Variants in ARHGAP24 observed in about 807,000 individuals in gnomAD.
The protein encoded by ARHGAP24 is Rho GTPase activating protein 24.
In ARHGAP24, 50 loss-of-function variants were observed where a neutral mutation model predicts 76.4. The observed-to-expected ratio is 0.65, with a 90% CI of 0.52 to 0.83. The LOEUF is 0.83. Among genes scored for constraint, ARHGAP24 ranks in the 40% least tolerant of loss-of-function variants. ARHGAP24 has a pLI of 0.00. For missense variants in ARHGAP24, 930 were observed against 914.2 expected, an observed-to-expected ratio of 1.02 and a Z score of -0.22; for synonymous variants, 345 against 323.3, an observed-to-expected ratio of 1.07 and a Z score of -0.72.
At chr4:85,481,466 G>T (rs1243323146) in intron 1 of ARHGAP24, among the ~76,000 whole-genome samples, 1 of 152,120 alleles carries the variant, frequency 6.6e-6, no homozygotes, top group Non-Finnish European at 1.5e-5. Context: ...TCTCTTGCAG[G>T]TCTTCTAGAT....
intron 1 of ARHGAP24, among the ~76,000 whole-genome samples, chr4:85,555,226 G>A (rs1726309312): frequency 6.6e-6 from 1 of 152,152 alleles, no homozygotes; most frequent in African/African-American, 2.4e-5. Flanking sequence ...GAGTTCTTGT[G>A]CTGGTTCTTT....
At position 85,921,546 on chromosome 4, in the gene ARHGAP24, T is replaced by TAAA. The variant is rs57403057; in HGVS notation, c.269-2095_269-2093dup. ...CCTGAACTTAAAATAAAAGTTTTTT[T>TAAA]AAAAAAAAAGATCACTGAGTTTCCA... is the stretch of plus-strand genomic sequence containing the variant. On this transcript the variant is annotated intron_variant, in intron 3 of 9. Coordinates refer to ENST00000395184, the MANE Select transcript of ARHGAP24 (RefSeq NM_001025616.3). Among the ~76,000 whole-genome samples the TAAA allele has an allele frequency of 2.6e-4, 40 of 151,422 alleles. No individual in the cohort carries two copies. The South Asian group carries it at 6.3e-3, about 24-fold the overall frequency.
Position 86,000,461 on chromosome 4 carries a change from C to CT in ARHGAP24, c.2004-18_2004-17insT, listed in dbSNP as rs1740947536. 2.3e-6 allele frequency: 2 copies of CT among 861,076 alleles called. No individual in the cohort carries two copies. The highest frequency in any genetic ancestry group is 1.3e-5 in the South Asian group (1 of 74,734). The allele number at this position is 861,076 out of a possible 1,614,324, so 53.3% of individuals were successfully genotyped here. A position where few individuals can be genotyped will look rare whatever the true frequency, so the allele number is the denominator to read the frequency against. ...CTCTTGCGTCCCCACCCCCCACCCC[C>CT]CCCAACATCCTTTGTAGCTTAGAAC... On this transcript the variant is annotated splice_polypyrimidine_tract_variant and intron_variant, in intron 9 of 9. Coordinates refer to ENST00000395184, the MANE Select transcript of ARHGAP24 (RefSeq NM_001025616.3).
intron 5 of ARHGAP24, among the ~76,000 whole-genome samples, chr4:85,953,225 G>A (rs1737717890): frequency 6.6e-6 from 1 of 152,044 alleles, no homozygotes; most frequent in Non-Finnish European, 1.5e-5. Context: ...GCTGTTTCAG[G>A]TCCCCCAGCT....
At chr4:85,533,801 G>A (rs1329032700) in intron 1 of ARHGAP24, among the ~76,000 whole-genome samples, 1 of 152,032 alleles carries the variant, frequency 6.6e-6, no homozygotes, top group Non-Finnish European at 1.5e-5. Flanking sequence ...ACATTCAAAT[G>A]TAATAAGATC....
At chr4:85,627,014 G>T (rs1720980699) in intron 2 of ARHGAP24, among the ~76,000 whole-genome samples, 1 of 152,024 alleles carries the variant, frequency 6.6e-6, no homozygotes. Flanking sequence ...TTTGCCATTG[G>T]TTCGAATTTC....
At chr4:85,534,876 C>T (rs1475194036) in intron 1 of ARHGAP24, among the ~76,000 whole-genome samples, 1 of 148,484 alleles carries the variant, frequency 6.7e-6, no homozygotes, top group South Asian at 2.2e-4. Context: ...ATCTCCAACT[C>T]AAAAGACACC....
At chr4:85,511,388 G>A (rs138742611) in intron 1 of ARHGAP24, among the ~76,000 whole-genome samples, 2 of 152,136 alleles carry the variant, frequency 1.3e-5, no homozygotes, top group African/African-American at 2.4e-5. Flanking sequence ...TTGCTATAAC[G>A]AAGTACCACA....
chr4:85,746,124 G>A (rs1726025444), intron 3 of ARHGAP24, among the ~76,000 whole-genome samples: 1 of 152,194 alleles, frequency 6.6e-6, no homozygotes, highest in Admixed American at 6.5e-5. Context: ...CAGTAATATA[G>A]ATACCTGCTT....
chr4:85,753,791 T>C (rs954874116), intron 3 of ARHGAP24, among the ~76,000 whole-genome samples: 2 of 152,176 alleles, frequency 1.3e-5, no homozygotes, highest in African/African-American at 4.8e-5. Context: ...ATCATAATTG[T>C]GCATATTTTG....
At chr4:85,981,637 C>T (rs968493833) in intron 8 of ARHGAP24, among the ~76,000 whole-genome samples, 2 of 152,032 alleles carry the variant, frequency 1.3e-5, no homozygotes, top group Non-Finnish European at 2.9e-5. Context: ...GGCTTTATTG[C>T]CTTGTTGATT....
chr4:85,787,692 G>C (rs1727916088), intron 3 of ARHGAP24, among the ~76,000 whole-genome samples: 1 of 152,080 alleles, frequency 6.6e-6, no homozygotes, highest in African/African-American at 2.4e-5. Flanking sequence ...TAATTTTCAT[G>C]GTAATGGAGC....
At position 85,588,381 on chromosome 4, in the gene ARHGAP24, T is replaced by C. The variant is rs1727948055; in HGVS notation, c.180+17660T>C. Reference sequence around the variant, plus strand: ...TTCATGCCTTTCTGCCCTTCCATGATTCCCTTCTTCATTCTCTGCCCAGCC... The same window carrying C: ...TTCATGCCTTTCTGCCCTTCCATGACTCCCTTCTTCATTCTCTGCCCAGCC... On this transcript the variant is annotated intron_variant, in intron 2 of 9. Coordinates refer to ENST00000395184, the MANE Select transcript of ARHGAP24 (RefSeq NM_001025616.3). 2.0e-5 allele frequency among the ~76,000 whole-genome samples: 3 copies of C among 152,232 alleles called. No homozygotes were observed. In the South Asian group the frequency reaches 6.2e-4, roughly 32 times the overall value.
chr4:85,588,860 G>T (rs1448815319), intron 2 of ARHGAP24, among the ~76,000 whole-genome samples: 3 of 152,154 alleles, frequency 2.0e-5, no homozygotes, highest in Non-Finnish European at 2.9e-5. Flanking sequence ...TGAAGACTTT[G>T]TACCCTGAAT....
At chr4:85,545,414 T>A (rs910184522) in intron 1 of ARHGAP24, among the ~76,000 whole-genome samples, 1 of 152,152 alleles carries the variant, frequency 6.6e-6, no homozygotes, top group Non-Finnish European at 1.5e-5. Flanking sequence ...TTCCTTTTTT[T>A]AAAGGCAAAA....
At chr4:85,535,243 G>A (rs1456664931) in intron 1 of ARHGAP24, among the ~76,000 whole-genome samples, 1 of 152,024 alleles carries the variant, frequency 6.6e-6, no homozygotes, top group Non-Finnish European at 1.5e-5. Flanking sequence ...TTAAAAAGCT[G>A]GAGTCAAAGT....
intron 1 of ARHGAP24, among the ~76,000 whole-genome samples, chr4:85,531,291 C>T (rs1004303479): frequency 1.3e-5 from 2 of 152,004 alleles, no homozygotes; most frequent in Non-Finnish European, 2.9e-5. Flanking sequence ...ACTGCTCTGT[C>T]CCCAACACTT....
rs1720242802 is a variant in ARHGAP24 at position 85,607,645 on chromosome 4, G to A, written c.180+36924G>A. ...AATTTTAAATCATAAAGAAGGAAATGTTTCTGAAAACTGTCAAGCATTATT... is the reference window on the plus strand; with the variant it reads ...AATTTTAAATCATAAAGAAGGAAATATTTCTGAAAACTGTCAAGCATTATT... On this transcript the variant is annotated intron_variant, in intron 2 of 9. Transcript: ENST00000395184. Among the ~76,000 whole-genome samples, 20 of 147,718 alleles carry A rather than the reference G, an allele frequency of 1.4e-4. No homozygotes were observed. In the South Asian group the frequency reaches 4.3e-3, roughly 32 times the overall value.
intron 3 of ARHGAP24, among the ~76,000 whole-genome samples, chr4:85,829,903 T>C (rs1729903264): frequency 6.6e-6 from 1 of 152,214 alleles, no homozygotes; most frequent in Admixed American, 6.5e-5. Flanking sequence ...AAGCCTTTAA[T>C]AGTGTCTGTG....
Sources: gnomAD v4.1 joint callset for allele counts (sites outside exome capture counted in the v4.1 genomes callset) on GRCh38, gnomAD v4.1.1 for gene constraint, MANE v1.5 for transcripts, NCBI Gene and HGNC (gene_info 2026-07-23, HGNC 2026-07-21) for gene names.